Variants in ANXA11 observed in about 807,000 individuals in gnomAD.
ANXA11 encodes annexin A11.
A neutral mutation model predicts 64.7 loss-of-function variants in ANXA11; 57 were observed. The observed-to-expected ratio is 0.88, with a 90% confidence interval of 0.71 to 1.10. The LOEUF (loss-of-function observed/expected upper bound fraction) is 1.10, where lower values mean the gene tolerates loss of function less well. ANXA11 is among the 50% of genes least tolerant of loss of function. ANXA11 has a pLI of 0.00. For missense variants in ANXA11, 675 were observed against 670.7 expected (o/e 1.01, Z -0.07); for synonymous variants, 260 against 265.2 (o/e 0.98, Z 0.19).
intron 1 of ANXA11, among the ~76,000 whole-genome samples, chr10:80,199,393 A>G (rs536467562): frequency 6.6e-6 from 1 of 152,230 alleles, no homozygotes; most frequent in South Asian, 2.1e-4. Context: ...TACCGCGCCC[A>G]GCCAAGATAA....
rs1323671685 is a variant in ANXA11 at position 80,167,293 on chromosome 10, G to A, written c.582C>T (p.Ile194=). The part of the protein sequence containing the change: ...PPTQFGSRGT[I]TDAPGFDPLR... The stretch of plus-strand genomic sequence containing the variant: ...GGGGGTCAAAGCCGGGAGCATCAGT[G>A]ATGGTGCCTCGGCTTCCAAACTACT... Residue 194 remains isoleucine, a synonymous_variant, in exon 6 of 16, where the codon ATC becomes ATT. Coordinates refer to ENST00000422982, the MANE Select transcript of ANXA11 (RefSeq NM_145868.2). 1.6e-5 allele frequency: 26 copies of A among 1,614,164 alleles called. No individual in the cohort carries two copies. The highest frequency in any genetic ancestry group is 2.1e-5 in the Non-Finnish European group (25 of 1,180,020).
rs1840632198 is a variant in ANXA11, at chr10:80,205,393, G to A, written c.-108C>T. The A allele has an allele frequency of 6.6e-6, 1 of 152,040 alleles. No individual in the cohort carries two copies. Among genetic ancestry groups the A allele is most frequent in the East Asian group, 1.9e-4 (1 of 5,154 alleles). The allele number at this position is 152,040 out of a possible 1,614,324, so 9.4% of individuals were successfully genotyped here. A position where few individuals can be genotyped will look rare whatever the true frequency, so the allele number is the denominator to read the frequency against. On this transcript the variant is annotated 5_prime_UTR_variant, in exon 1 of 16. Transcript: ENST00000422982. ...GGGGCGAAATGGGACGTGGGCGGGA[G>A]TGGCTCTCTCCGCGGGCGTCCCGGG...
At chr10:80,162,306 C>T (rs1015417854) in intron 11 of ANXA11, among the ~76,000 whole-genome samples, 2 of 152,184 alleles carry the variant, frequency 1.3e-5, no homozygotes, top group East Asian at 1.9e-4. Context: ...ATTTTTGCCC[C>T]GCTAAAAGTG....
intron 1 of ANXA11, among the ~76,000 whole-genome samples, chr10:80,203,028 A>T (rs1840503454): frequency 7.2e-6 from 1 of 139,012 alleles, no homozygotes; most frequent in Non-Finnish European, 1.5e-5. Context: ...CCTGGGTGAC[A>T]GGGCGAAATC....
intron 9 of ANXA11, 143 bp from the exon 10 acceptor site, chr10:80,163,756 C>G: frequency 1.3e-6 from 1 of 775,942 alleles, no homozygotes; most frequent in South Asian, 1.7e-5. Flanking sequence ...GCCCATATGG[C>G]CCTCCAGGGA....
intron 2 of ANXA11, among the ~76,000 whole-genome samples, chr10:80,173,246 C>T (rs1476403286): frequency 6.6e-6 from 1 of 152,246 alleles, no homozygotes; most frequent in Non-Finnish European, 1.5e-5. Context: ...GACGCACTGC[C>T]TCATTCTCAG....
chr10:80,158,922 G>A (rs1277783021), intron 13 of ANXA11, among the ~76,000 whole-genome samples, 178 bp downstream of exon 13: 1 of 152,138 alleles, frequency 6.6e-6, no homozygotes, highest in Non-Finnish European at 1.5e-5. Flanking sequence ...GGGTTCAACT[G>A]CACAGGGAAC....
At chr10:80,162,547 G>C (rs1005364439) in intron 11 of ANXA11, among the ~76,000 whole-genome samples, 3 of 152,228 alleles carry the variant, frequency 2.0e-5, no homozygotes, top group South Asian at 2.1e-4. Flanking sequence ...TTTCAGTTGG[G>C]AACAGTGCTC....
intron 2 of ANXA11, 127 bp from the exon 3 acceptor site, chr10:80,172,996 C>T: frequency 1.3e-6 from 1 of 770,640 alleles, no homozygotes. Flanking sequence ...GCTGCATCTG[C>T]CCTGCTTGTC....
intron 1 of ANXA11, among the ~76,000 whole-genome samples, chr10:80,189,656 T>C (rs1273572951): frequency 2.0e-5 from 3 of 152,180 alleles, no homozygotes; most frequent in Non-Finnish European, 4.4e-5. Context: ...GTATCCAAAA[T>C]CCAAAAATCC....
In ANXA11 at chr10:80,153,361, C is replaced by CA. The variant is rs777489555; in HGVS notation, c.*2491dup. On this transcript the variant is annotated 3_prime_UTR_variant, in exon 16 of 16. Transcript: ENST00000422982. ...AGATTTTTAAAAATATGAAATCTCT[C>CA]AATGTTTAAATGTTGGCAACAAATT... The CA allele has an allele frequency of 5.3e-5, 8 of 152,214 alleles. No homozygotes were observed. The highest frequency in any genetic ancestry group is 1.0e-4 in the Non-Finnish European group (7 of 68,034). 9.4% of individuals were successfully genotyped at this position (152,214 alleles called of 1,614,324 possible). A position where few individuals can be genotyped will look rare whatever the true frequency, so the allele number is the denominator to read the frequency against.
intron 1 of ANXA11, among the ~76,000 whole-genome samples, chr10:80,186,354 G>A (rs1846538716): frequency 6.6e-6 from 1 of 152,136 alleles, no homozygotes; most frequent in African/African-American, 2.4e-5. Context: ...TGTGACAGGT[G>A]GAGGATGGGA....
At chr10:80,172,778 A>G in intron 3 of ANXA11, 29 bp downstream of exon 3, 2 of 1,608,670 alleles carry the variant, frequency 1.2e-6, no homozygotes, top group Non-Finnish European at 1.7e-6. Flanking sequence ...GGCAGCATTC[A>G]CTCTCCTCCC....
At chr10:80,189,294 G>A (rs1846671657) in intron 1 of ANXA11, among the ~76,000 whole-genome samples, 1 of 152,176 alleles carries the variant, frequency 6.6e-6, no homozygotes, top group Admixed American at 6.5e-5. Flanking sequence ...AACTCAAATG[G>A]CCTCTAAAGC....
At chr10:80,166,776 T>A in intron 7 of ANXA11, 114 bp downstream of exon 7, 1 of 809,166 alleles carries the variant, frequency 1.2e-6, no homozygotes, top group Non-Finnish European at 2.0e-6. Flanking sequence ...GCCCTCCTGC[T>A]CCTTACTGTC....
chr10:80,167,096 C>T, intron 6 of ANXA11, 112 bp from the exon 7 acceptor site: 2 of 1,258,748 alleles, frequency 1.6e-6, no homozygotes, highest in Middle Eastern at 2.3e-4. Context: ...GCCATACCCC[C>T]ACATCCACCT....
intron 1 of ANXA11, among the ~76,000 whole-genome samples, chr10:80,194,399 T>C (rs750018189): frequency 6.6e-6 from 1 of 151,910 alleles, no homozygotes; most frequent in Non-Finnish European, 1.5e-5. Flanking sequence ...CCCCCTAGGA[T>C]AGGGAAGAAA....
intron 8 of ANXA11, among the ~76,000 whole-genome samples, chr10:80,165,132 C>T (rs968238772): frequency 2.0e-5 from 3 of 152,336 alleles, no homozygotes; most frequent in African/African-American, 7.2e-5. Flanking sequence ...CCCGGGCCAT[C>T]GCCCTGCCTG....
intron 2 of ANXA11, among the ~76,000 whole-genome samples, chr10:80,174,147 T>G (rs1246568868): frequency 6.6e-6 from 1 of 152,154 alleles, no homozygotes; most frequent in South Asian, 2.1e-4. Context: ...CTGGACCTCC[T>G]GGGCTCAGGT....
Sources: allele counts gnomAD v4.1 joint callset (sites outside exome capture counted in the v4.1 genomes callset), GRCh38; gene constraint gnomAD v4.1.1; transcripts MANE v1.5; gene names NCBI Gene and HGNC (gene_info 2026-07-23, HGNC 2026-07-21).